The following MGAT5 variants were observed in gnomAD, a reference collection of about 807,000 sequenced individuals.
MGAT5 encodes the protein alpha-1,6-mannosylglycoprotein 6-beta-N-acetylglucosaminyltransferase A.
In MGAT5, 30 loss-of-function variants were observed where a neutral mutation model predicts 94.3. That is an observed-to-expected ratio of 0.32 (90% CI 0.24 to 0.43). The LOEUF is 0.43. Among genes scored for constraint, MGAT5 ranks in the 20% least tolerant of loss-of-function variants. The pLI, the probability that MGAT5 is intolerant of heterozygous loss-of-function variation, is 1.00. For synonymous variants in MGAT5, 310 were observed against 322.9 expected, an observed-to-expected ratio of 0.96 and a Z score of 0.43; for missense variants, 691 against 905.5, an observed-to-expected ratio of 0.76 and a Z score of 3.04.
chr2:134,437,598 G>T (rs1279156554), intron 14 of MGAT5, among the ~76,000 whole-genome samples: 1 of 152,156 alleles, frequency 6.6e-6, no homozygotes, highest in Non-Finnish European at 1.5e-5. Context: ...ATGTGATCTG[G>T]TCTAGATTTC....
chr2:134,446,461 C>A (rs1355820347), intron 15 of MGAT5, among the ~76,000 whole-genome samples: 1 of 152,056 alleles, frequency 6.6e-6, no homozygotes, highest in Non-Finnish European at 1.5e-5. Context: ...TAAATATAAA[C>A]CTGTATCCCA....
In MGAT5 at chr2:134,413,007, CT is replaced by C. The variant is rs1558868272; in HGVS notation, c.1670del (p.Leu557ArgfsTer4). On this transcript the variant is annotated frameshift_variant, in exon 12 of 16. Transcript: ENST00000281923. LOFTEE classifies it high-confidence loss of function. ...NTDFFIGKPTLRELTSQHPYA... is the reference protein window; with the variant it reads ...NTDFFIGKPTXRELTSQHPYA... ...AGACTTTTTCATTGGCAAGCCAACT[CT>C]GAGAGAGGTAAGCATCTATCAAAAT... 1 of 1,614,078 alleles carries C rather than the reference CT, an allele frequency of 6.2e-7. No homozygotes were observed.
intron 1 of MGAT5, among the ~76,000 whole-genome samples, chr2:134,167,575 C>CTA (rs764860618): frequency 2.0e-5 from 3 of 152,010 alleles, no homozygotes; most frequent in Non-Finnish European, 4.4e-5. Flanking sequence ...AACCACTGCG[C>CTA]TAAAGGAAAG....
At chr2:134,345,293 A>G (rs991193774) in intron 8 of MGAT5, among the ~76,000 whole-genome samples, 5 of 152,170 alleles carry the variant, frequency 3.3e-5, no homozygotes, top group Admixed American at 6.6e-5. Context: ...TACCTTGACT[A>G]ATGTTAATAC....
chr2:134,230,063 G>A (rs938229034), intron 1 of MGAT5, among the ~76,000 whole-genome samples: 1 of 152,184 alleles, frequency 6.6e-6, no homozygotes, highest in African/African-American at 2.4e-5. Context: ...TACTAAAACA[G>A]CAGCCCCCAA....
rs1379028422 is a variant in MGAT5, at chr2:134,451,367, C to T, written c.*2520C>T. On this transcript the variant is annotated 3_prime_UTR_variant, in exon 16 of 16. Transcript: ENST00000281923. ...GAGTTCCACTGACAGGGCAGCTGCTCTTGGAGCAAACAAGCCCACACTCCA... is the reference window on the plus strand; with the variant it reads ...GAGTTCCACTGACAGGGCAGCTGCTTTTGGAGCAAACAAGCCCACACTCCA... 2.0e-5 allele frequency: 3 copies of T among 152,348 alleles called. No individual in the cohort carries two copies. Among genetic ancestry groups the T allele is most frequent in the East Asian group, 3.9e-4 (2 of 5,162 alleles). The allele number at this position is 152,348 out of a possible 1,614,324, so 9.4% of individuals were successfully genotyped here.
intron 10 of MGAT5, among the ~76,000 whole-genome samples, chr2:134,366,155 C>T (rs79552531): frequency 0.012 from 1,778 of 152,332 alleles, 39 homozygotes; most frequent in African/African-American, 0.04. Flanking sequence ...GCCATCTAAT[C>T]ATTCGCTCCT....
chr2:134,321,098 T>G (rs1687288010), intron 4 of MGAT5, among the ~76,000 whole-genome samples: 3 of 152,194 alleles, frequency 2.0e-5, no homozygotes, highest in Admixed American at 2.0e-4. Context: ...GGCTTCCGGC[T>G]TGGGTGGCTT....
At chr2:134,285,149 T>C (rs1338273187) in intron 2 of MGAT5, among the ~76,000 whole-genome samples, 1 of 152,200 alleles carries the variant, frequency 6.6e-6, no homozygotes, top group Non-Finnish European at 1.5e-5. Context: ...AAAAACACTT[T>C]TTATAATGCT....
At position 134,390,388 on chromosome 2, in the gene MGAT5, T is replaced by C. The variant is rs147599994; in HGVS notation, c.1381-12600T>C. On this transcript the variant is annotated intron_variant, in intron 10 of 15. Coordinates refer to ENST00000281923, the MANE Select transcript of MGAT5 (RefSeq NM_002410.5). ...TTTTTTTATTATACTTTTTCTAGGG[T>C]ACATGTGCACAACGTGCAGGTTTGT... Among the ~76,000 whole-genome samples, 164 of 152,308 alleles carry C rather than the reference T, an allele frequency of 1.1e-3. No homozygotes were observed. The Middle Eastern group carries it at 0.014, about 13-fold the overall frequency.
intron 4 of MGAT5, among the ~76,000 whole-genome samples, chr2:134,323,656 G>C (rs898726498): frequency 6.6e-6 from 1 of 152,102 alleles, no homozygotes; most frequent in Non-Finnish European, 1.5e-5. Flanking sequence ...CAGTTGTATG[G>C]TTAAATCCAC....
chr2:134,417,603 A>G (rs1292425136), intron 12 of MGAT5, among the ~76,000 whole-genome samples: 1 of 152,168 alleles, frequency 6.6e-6, no homozygotes, highest in African/African-American at 2.4e-5. Context: ...AATATCCCAG[A>G]AGTGATGTAC....
chr2:134,146,191 G>A (rs1686910588), intron 1 of MGAT5, among the ~76,000 whole-genome samples: 1 of 152,128 alleles, frequency 6.6e-6, no homozygotes, highest in Non-Finnish European at 1.5e-5. Flanking sequence ...AAGAAATAAT[G>A]CCATTGTATA....
At chr2:134,340,326 GTC>G (rs1157169577) in intron 6 of MGAT5, among the ~76,000 whole-genome samples, 1 of 152,140 alleles carries the variant, frequency 6.6e-6, no homozygotes, top group East Asian at 1.9e-4. Flanking sequence ...GCCTACAACA[GTC>G]TTGTCAGGCA....
chr2:134,318,557 C>T, intron 3 of MGAT5, 93 bp from the exon 4 acceptor site: 1 of 924,688 alleles, frequency 1.1e-6, no homozygotes, highest in Non-Finnish European at 1.7e-6. Flanking sequence ...TTGAGCCATT[C>T]ACTCCATCTT....
intron 1 of MGAT5, among the ~76,000 whole-genome samples, chr2:134,196,931 G>A (rs1263596944): frequency 6.6e-6 from 1 of 152,214 alleles, no homozygotes; most frequent in African/African-American, 2.4e-5. Context: ...ATGTGTGTTT[G>A]ATTTACAAGG....
chr2:134,174,202 C>T (rs1688353151), intron 1 of MGAT5, among the ~76,000 whole-genome samples: 1 of 152,232 alleles, frequency 6.6e-6, no homozygotes, highest in African/African-American at 2.4e-5. Flanking sequence ...CATTTATGTC[C>T]TAGTTTCTAA....
At chr2:134,248,143 G>A (rs1414010949) in intron 1 of MGAT5, among the ~76,000 whole-genome samples, 3 of 152,192 alleles carry the variant, frequency 2.0e-5, no homozygotes, top group African/African-American at 7.2e-5. Flanking sequence ...TAAAAGGTAA[G>A]GTGCAAATGT....
At chr2:134,307,637 C>CCCTG (rs1038318707) in intron 2 of MGAT5, among the ~76,000 whole-genome samples, 11 of 152,216 alleles carry the variant, frequency 7.2e-5, no homozygotes, top group Admixed American at 2.0e-4. Flanking sequence ...TACTACCCTA[C>CCCTG]CCTGAGTCCC....
Sources: gnomAD v4.1 joint callset for allele counts (sites outside exome capture counted in the v4.1 genomes callset) on GRCh38, gnomAD v4.1.1 for gene constraint, MANE v1.5 for transcripts, NCBI Gene and HGNC (gene_info 2026-07-23, HGNC 2026-07-21) for gene names.